Variants in LYST observed in about 807,000 individuals in gnomAD.
The protein encoded by LYST is lysosomal-trafficking regulator.
In LYST, 192 loss-of-function variants were observed where a neutral mutation model predicts 413.6. The ratio of observed to expected loss-of-function variants is 0.46; its 90% CI spans 0.41 to 0.52. LYST has a LOEUF of 0.52. Among genes scored for constraint, LYST ranks in the 20% least tolerant of loss-of-function variants. The pLI is 0.00. For missense variants in LYST, 3,815 were observed against 4,499.9 expected (o/e 0.85, Z 4.35); for synonymous variants, 1,525 against 1,567.3 (o/e 0.97, Z 0.64).
chr1:235,737,915 G>GACCA, intron 31 of LYST: 28 of 1,160,568 alleles, frequency 2.4e-5, no homozygotes, highest in Admixed American at 1.8e-4. Flanking sequence ...CGCTGCCGAC[G>GACCA]AGTCTGGATC....
intron 43 of LYST, 109 bp downstream of exon 43, chr1:235,711,948 G>T: frequency 1.4e-6 from 1 of 707,740 alleles, no homozygotes; most frequent in Non-Finnish European, 2.3e-6. Flanking sequence ...TCTCTTATTT[G>T]GGGACTCAAA....
chr1:235,724,151 T>C lies in LYST; in HGVS notation c.9192A>G (p.Ser3064=). ...TAATTTCTTCATATGTCCAGGAAAA[T>C]GATGCTGGTTCCAACTCTCCCTGAA... is the stretch of plus-strand genomic sequence containing the variant. ...SSLQGELEPA[S]FSWTYEEIKE... is the part of the protein sequence containing the mutation. Residue 3064 remains serine, a synonymous_variant, in exon 39 of 53, where the codon TCA becomes TCG. Coordinates refer to ENST00000389793, the MANE Select transcript of LYST (RefSeq NM_000081.4). 1 of 1,613,906 alleles carries C rather than the reference T, an allele frequency of 6.2e-7. No individual in the cohort carries two copies. The highest frequency in any genetic ancestry group is 1.3e-5 in the African/African-American group (1 of 75,006).
chr1:235,875,830 T>G (rs2103236016), intron 1 of LYST, among the ~76,000 whole-genome samples: 1 of 152,254 alleles, frequency 6.6e-6, no homozygotes, highest in African/African-American at 2.4e-5. Flanking sequence ...CGAGACTCTG[T>G]TTCAAACAAA....
At chr1:235,805,226 C>T (rs929880436) in intron 6 of LYST, among the ~76,000 whole-genome samples, 1 of 152,142 alleles carries the variant, frequency 6.6e-6, no homozygotes, top group African/African-American at 2.4e-5. Flanking sequence ...AGAATCTGGA[C>T]AAAGATGTGG....
At chr1:235,761,663 G>A (rs535245797) in intron 22 of LYST, among the ~76,000 whole-genome samples, 31 of 152,056 alleles carry the variant, frequency 2.0e-4, no homozygotes, top group African/African-American at 7.0e-4. Flanking sequence ...AGGGGACAAG[G>A]AAACTGAGAT....
rs760288574 is a variant in LYST, at chr1:235,830,218, A to C, written c.192+8T>G. 9 of 1,594,210 alleles carry C rather than the reference A, an allele frequency of 5.6e-6. No individual in the cohort carries two copies. The African/African-American group carries it at 1.1e-4, about 19-fold the overall frequency. On this transcript the variant is annotated splice_region_variant and intron_variant, in intron 3 of 52. Coordinates refer to ENST00000389793, the MANE Select transcript of LYST (RefSeq NM_000081.4). ...GATGAAAGTAAGTATTTGATATAAA[A>C]ATGTTACCTGATCAATTATAGAATT...
chr1:235,819,802 C>G (rs528880987), intron 3 of LYST, among the ~76,000 whole-genome samples: 3 of 152,146 alleles, frequency 2.0e-5, no homozygotes, highest in Admixed American at 6.5e-5. Context: ...CCTGCCACCA[C>G]GCCCAGCTAA....
chr1:235,792,545 C>A (rs1362302436), intron 11 of LYST, among the ~76,000 whole-genome samples: 1 of 152,090 alleles, frequency 6.6e-6, no homozygotes. Flanking sequence ...GCACTCCTGA[C>A]CTCAGGTGAT....
At chr1:235,750,006 T>C (rs920427431) in intron 28 of LYST, among the ~76,000 whole-genome samples, 1 of 152,048 alleles carries the variant, frequency 6.6e-6, no homozygotes, top group Non-Finnish European at 1.5e-5. Context: ...GAAGTATCAA[T>C]ACAAAAGAAA....
Position 235,724,130 on chromosome 1 carries a change from T to C in LYST, c.9213A>G (p.Glu3071=), listed in dbSNP as rs750232456. ...EPASFSWTYE[E]IKEVHKRWWQ... is the part of the protein sequence containing the mutation. Reference sequence around the variant, plus strand: ...ACCAACGCTTGTGAACTTCTTTAATTTCTTCATATGTCCAGGAAAATGATG... The same window carrying C: ...ACCAACGCTTGTGAACTTCTTTAATCTCTTCATATGTCCAGGAAAATGATG... The change falls in exon 39 of 53, where the codon GAA becomes GAG. Residue 3071 remains glutamate (E), a synonymous_variant. Coordinates refer to ENST00000389793, the MANE Select transcript of LYST (RefSeq NM_000081.4). The C allele has an allele frequency of 6.2e-7, 1 of 1,613,900 alleles. No individual in the cohort carries two copies. The highest frequency in any genetic ancestry group is 2.2e-5 in the East Asian group (1 of 44,868).
rs147428398 is a variant in LYST at position 235,773,917 on chromosome 1, G to A, written c.5709C>T (p.Asp1903=). ...NENGEFKLDV[D]SNAIIQDVKL... ...TAACATCTTGGATTATAGCATTAGAGTCTACATCCAACTTAAACTCTCCAT... is the reference window on the plus strand; with the variant it reads ...TAACATCTTGGATTATAGCATTAGAATCTACATCCAACTTAAACTCTCCAT... Residue 1903 remains aspartate, a synonymous_variant, in exon 19 of 53, where the codon GAC becomes GAT. Transcript: ENST00000389793. 3 of 1,606,326 alleles carry A rather than the reference G, an allele frequency of 1.9e-6. No homozygotes were observed. The African/African-American group carries it at 4.0e-5, about 21-fold the overall frequency.
intron 22 of LYST, among the ~76,000 whole-genome samples, chr1:235,760,562 T>C (rs920091604): frequency 3.3e-5 from 5 of 152,170 alleles, no homozygotes; most frequent in Admixed American, 6.5e-5. Context: ...TGTGGACTGG[T>C]AGCATGGGCA....
Position 235,758,959 on chromosome 1 carries a change from A to G in LYST, c.6881+13T>C. On this transcript the variant is annotated intron_variant, in intron 23 of 52. Coordinates refer to ENST00000389793, the MANE Select transcript of LYST (RefSeq NM_000081.4). ...AATAAAGGTGGGAGGAGTGTACAAAAACACATAAGTACCTGTGAGCACTTG... is the reference window on the plus strand; with the variant it reads ...AATAAAGGTGGGAGGAGTGTACAAAGACACATAAGTACCTGTGAGCACTTG... The G allele has an allele frequency of 6.2e-7, 1 of 1,613,738 alleles. No individual in the cohort carries two copies. The highest frequency in any genetic ancestry group is 8.5e-7 in the Non-Finnish European group (1 of 1,179,772).
In LYST at chr1:235,775,065, C is replaced by G. The variant is rs1291398273; in HGVS notation, c.5482G>C (p.Glu1828Gln). The G allele has an allele frequency of 6.2e-7, 1 of 1,611,196 alleles. No homozygotes were observed. Among genetic ancestry groups the G allele is most frequent in the Non-Finnish European group, 8.5e-7 (1 of 1,179,380 alleles). ...CGCAGTGCTAATGCTTGAGTTTCTT[C>G]ACAGCTACTGAGTTCAACAACCTAA... ...FARVVELSSC[E>Q]ETQALALRVI... Residue 1828 changes from glutamate (E) to glutamine (Q), a missense_variant, in exon 18 of 53, where the codon GAA becomes CAA. Transcript: ENST00000389793.
chr1:235,725,073 A>G (rs1432091384), intron 38 of LYST, among the ~76,000 whole-genome samples: 1 of 152,244 alleles, frequency 6.6e-6, no homozygotes, highest in Non-Finnish European at 1.5e-5. Flanking sequence ...AGATTGCTTC[A>G]GAAAGCTAAA....
chr1:235,774,563 C>T (rs1178666673), intron 18 of LYST, among the ~76,000 whole-genome samples: 1 of 152,110 alleles, frequency 6.6e-6, no homozygotes, highest in Non-Finnish European at 1.5e-5. Flanking sequence ...CCTCTAGGTG[C>T]CTAGAGAACT....
intron 3 of LYST, chr1:235,827,792 C>T (rs1391547273): frequency 1.2e-6 from 1 of 864,834 alleles, no homozygotes; most frequent in Non-Finnish European, 1.4e-6. Context: ...TAATTTTAGT[C>T]ATTTAATATC....
At chr1:235,863,603 G>A (rs906182530) in intron 1 of LYST, among the ~76,000 whole-genome samples, 1 of 151,508 alleles carries the variant, frequency 6.6e-6, no homozygotes, top group Non-Finnish European at 1.5e-5. Flanking sequence ...CTCTACAACC[G>A]AAGCTAACAA....
At chr1:235,832,075 C>T (rs1008806389) in intron 2 of LYST, among the ~76,000 whole-genome samples, 2 of 152,162 alleles carry the variant, frequency 1.3e-5, no homozygotes, top group Non-Finnish European at 2.9e-5. Context: ...AAGCTACTAA[C>T]GTCATTCTAT....
Sources: gnomAD v4.1 joint callset for allele counts (sites outside exome capture counted in the v4.1 genomes callset) on GRCh38, gnomAD v4.1.1 for gene constraint, MANE v1.5 for transcripts, NCBI Gene and HGNC (gene_info 2026-07-23, HGNC 2026-07-21) for gene names.